Variants in THSD7B observed in about 807,000 individuals in gnomAD.
THSD7B encodes the protein thrombospondin type 1 domain containing 7B.
A neutral mutation model predicts 213.6 loss-of-function variants in THSD7B; 138 were observed. The ratio of observed to expected loss-of-function variants is 0.65; its 90% confidence interval spans 0.56 to 0.74. The LOEUF (loss-of-function observed/expected upper bound fraction) is 0.74, where lower values mean the gene tolerates loss of function less well. THSD7B is among the 30% of genes least tolerant of loss of function. THSD7B has a pLI of 0.00. For synonymous variants in THSD7B, 742 were observed against 687.0 expected (o/e 1.08, Z -1.25); for missense variants, 1,931 against 1,991.5 (o/e 0.97, Z 0.58).
chr2:137,425,027 G>A lies in THSD7B; in HGVS notation c.2959+13155G>A, dbSNP rs568810051. ...GCGGAGCTTACAGTGAGCGGAGATC[G>A]CGCCACTGCACTCCAGCCTGGGCGA... On this transcript the variant is annotated intron_variant, in intron 14 of 27. Transcript: ENST00000409968. 1.1e-3 allele frequency among the ~76,000 whole-genome samples: 166 copies of A among 150,720 alleles called. 1 individual carries two copies. Among genetic ancestry groups the A allele is most frequent in the Non-Finnish European group, 2.0e-3 (133 of 67,698 alleles).
chr2:137,488,406 A>C (rs141813086), intron 15 of THSD7B, among the ~76,000 whole-genome samples: 2 of 152,206 alleles, frequency 1.3e-5, no homozygotes, highest in Non-Finnish European at 2.9e-5. Context: ...TGAAGAATAT[A>C]TGTGTCTTTT....
chr2:137,097,109 G>A (rs1263147832), intron 4 of THSD7B, among the ~76,000 whole-genome samples: 1 of 152,000 alleles, frequency 6.6e-6, no homozygotes, highest in African/African-American at 2.4e-5. Context: ...AATAAAATCT[G>A]GGTTTCATGA....
At chr2:136,838,634 C>T (rs913224556) in intron 1 of THSD7B, among the ~76,000 whole-genome samples, 1 of 152,128 alleles carries the variant, frequency 6.6e-6, no homozygotes, top group Non-Finnish European at 1.5e-5. Flanking sequence ...CCCCATCCTC[C>T]CTTTCAAAAT....
chr2:137,370,370 T>G (rs1228553604), intron 12 of THSD7B, among the ~76,000 whole-genome samples: 1 of 152,182 alleles, frequency 6.6e-6, no homozygotes, highest in Non-Finnish European at 1.5e-5. Flanking sequence ...TTCAGCTGAT[T>G]ATGTTGTTGT....
chr2:137,271,226 C>T (rs1165627900), intron 10 of THSD7B, among the ~76,000 whole-genome samples: 2 of 151,314 alleles, frequency 1.3e-5, no homozygotes, highest in African/African-American at 2.4e-5. Flanking sequence ...CTCTCTCCCA[C>T]CTTTCCCATG....
At chr2:137,663,340 T>C in intron 25 of THSD7B, 43 bp from the exon 26 acceptor site, 1 of 1,437,928 alleles carries the variant, frequency 7.0e-7, no homozygotes, top group Non-Finnish European at 9.3e-7. Context: ...CATTCACCTG[T>C]TCAACTCACT....
At chr2:137,201,749 A>G (rs1680879277) in intron 7 of THSD7B, among the ~76,000 whole-genome samples, 1 of 152,158 alleles carries the variant, frequency 6.6e-6, no homozygotes, top group South Asian at 2.1e-4. Context: ...TCAGTGTGAG[A>G]GTGCGAGGTG....
chr2:136,933,108 A>ATTCC (rs56042301), intron 2 of THSD7B, among the ~76,000 whole-genome samples: 8,271 of 130,252 alleles, frequency 0.064, 407 homozygotes, highest in South Asian at 0.091. Context: ...TTTGCCCGCC[A>ATTCC]TTCCTTCCTT....
At chr2:137,614,552 TTTG>T (rs1682348051) in intron 17 of THSD7B, among the ~76,000 whole-genome samples, 1 of 152,166 alleles carries the variant, frequency 6.6e-6, no homozygotes, top group Admixed American at 6.6e-5. Context: ...TGACAAATCA[TTTG>T]TTATTATTCT....
chr2:137,180,892 T>G (rs754239366), intron 7 of THSD7B, among the ~76,000 whole-genome samples: 1 of 152,198 alleles, frequency 6.6e-6, no homozygotes, highest in Non-Finnish European at 1.5e-5. Context: ...CAATGCAGCA[T>G]TAGAGGCAAT....
chr2:137,187,243 C>T (rs776811526), intron 7 of THSD7B, among the ~76,000 whole-genome samples: 5 of 152,138 alleles, frequency 3.3e-5, no homozygotes, highest in Non-Finnish European at 5.9e-5. Context: ...CTGAGAATGA[C>T]AGCATGGCTT....
chr2:136,797,447 T>A (rs770168598), intron 1 of THSD7B, among the ~76,000 whole-genome samples: 8 of 152,024 alleles, frequency 5.3e-5, no homozygotes, highest in Non-Finnish European at 1.0e-4. Context: ...TCAAAGAAGA[T>A]GTCTGGCTAG....
rs149662025 is a variant in THSD7B, at chr2:137,467,911, G to A, written c.3138+16888G>A. On this transcript the variant is annotated intron_variant, in intron 15 of 27. Coordinates refer to ENST00000409968, the MANE Select transcript of THSD7B (RefSeq NM_001316349.2). ...TAAGCAATACATGCATACAACACAT[G>A]TTTCTCCTTCTGTTTTCTCTGACCT... is the stretch of plus-strand genomic sequence containing the variant. Among the ~76,000 whole-genome samples the A allele has an allele frequency of 2.8e-3, 433 of 152,234 alleles. 4 individuals carry two copies. The highest frequency in any genetic ancestry group is 0.01 in the African/African-American group (417 of 41,562).
chr2:137,417,929 GCCTAAAT>G (rs1282690804), intron 14 of THSD7B, among the ~76,000 whole-genome samples: 2 of 152,136 alleles, frequency 1.3e-5, no homozygotes, highest in African/African-American at 4.8e-5. Context: ...ATGACTCATT[GCCTAAAT>G]CCTTTACACC....
chr2:136,792,314 A>G (rs10205354), intron 1 of THSD7B, among the ~76,000 whole-genome samples: 81,740 of 151,740 alleles, frequency 0.54, 22,244 homozygotes, highest in East Asian at 0.69. Context: ...AAAAGGCACA[A>G]CTATGGAAAC....
chr2:137,645,924 A>G (rs112913943), intron 21 of THSD7B, among the ~76,000 whole-genome samples: 235 of 152,300 alleles, frequency 1.5e-3, no homozygotes, highest in African/African-American at 5.4e-3. Context: ...TTTTCACTCT[A>G]GGAAATAAAC....
chr2:137,317,646 T>C (rs1455155691), intron 12 of THSD7B, among the ~76,000 whole-genome samples: 1 of 152,164 alleles, frequency 6.6e-6, no homozygotes, highest in African/African-American at 2.4e-5. Context: ...CCTGGCGATA[T>C]AATTATGCCT....
intron 15 of THSD7B, among the ~76,000 whole-genome samples, chr2:137,488,451 T>C (rs1688525898): frequency 1.3e-5 from 2 of 152,186 alleles, no homozygotes; most frequent in South Asian, 4.1e-4. Context: ...AACTCATTGA[T>C]ATAGAAGCAG....
chr2:136,955,853 C>T (rs865919746), intron 2 of THSD7B, among the ~76,000 whole-genome samples: 2 of 151,942 alleles, frequency 1.3e-5, no homozygotes, highest in African/African-American at 4.8e-5. Context: ...TGGGGTTTCA[C>T]CATCTTAGCT....
Sources: gnomAD v4.1 joint callset for allele counts (sites outside exome capture counted in the v4.1 genomes callset) on GRCh38, gnomAD v4.1.1 for gene constraint, MANE v1.5 for transcripts, NCBI Gene and HGNC (gene_info 2026-07-23, HGNC 2026-07-21) for gene names.